Variants in BAG6 observed in about 807,000 individuals in gnomAD.
BAG6 encodes the protein large proline-rich protein BAG6.
A neutral mutation model predicts 121.0 loss-of-function variants in BAG6; 22 were observed. The observed-to-expected ratio is 0.18, with a 90% CI of 0.13 to 0.26. BAG6 has a LOEUF of 0.26. BAG6 is among the 10% of genes least tolerant of loss of function. The pLI is 1.00. For missense variants in BAG6, 1,233 were observed against 1,537.7 expected (o/e 0.80, Z 3.31); for synonymous variants, 583 against 584.6 (o/e 1.00, Z 0.04).
chr6:31,648,526 C>T (rs976838699), intron 6 of BAG6, 151 bp downstream of exon 6: 10 of 731,694 alleles, frequency 1.4e-5, no homozygotes, highest in Non-Finnish European at 2.2e-5. Flanking sequence ...CACAAAGATA[C>T]TTTTTCTGCC....
chr6:31,651,122 C>T (rs1796209102), intron 2 of BAG6, among the ~76,000 whole-genome samples: 1 of 152,250 alleles, frequency 6.6e-6, no homozygotes, highest in Non-Finnish European at 1.5e-5. Flanking sequence ...CACACAGATT[C>T]TTCCTTCCTC....
In BAG6 at chr6:31,640,686, T is replaced by G. The variant is rs150422210; in HGVS notation, c.2953A>C (p.Met985Leu). ...GCTCTTTCTGCTCCCTGAACTTCCA[T>G]TGGCTCCTCAGGAAGTGGCTGTGAA... is the stretch of plus-strand genomic sequence containing the variant. ...DPPQPLPEEP[M>L]EVQGAERASP... The change falls in exon 22 of 26, where the codon ATG becomes CTG. Residue 985 changes from methionine to leucine, a missense_variant. Physicochemically the swap from Met to Leu is conservative, Grantham distance 15 (BLOSUM62 2). Transcript: ENST00000676615. This position sits in a 1 kb window ranked among gnomAD's most constrained non-coding sequence, Gnocchi z 4.2. The G allele has an allele frequency of 6.2e-6, 10 of 1,613,038 alleles. No individual in the cohort carries two copies. Among genetic ancestry groups the G allele is most frequent in the Non-Finnish European group, 8.5e-6 (10 of 1,180,010 alleles).
intron 7 of BAG6, among the ~76,000 whole-genome samples, chr6:31,646,766 G>GTTTTTTTTTTTTTT: frequency 1.6e-5 from 1 of 60,640 alleles, no homozygotes; most frequent in Non-Finnish European, 2.9e-5. Flanking sequence ...GCTAATTTTT[G>GTTTTTTTTTTTTTT]TTTTTTTTTT....
chr6:31,640,351 G>A lies in BAG6; in HGVS notation c.3138+34C>T, dbSNP rs1258531278. On this transcript the variant is annotated intron_variant, in intron 23 of 25. Transcript: ENST00000676615. This position sits in a 1 kb window ranked among gnomAD's most constrained non-coding sequence, Gnocchi z 4.2. ...ATAGTAATGTCCTTGACTTTCAGCT[G>A]CCATGACCCACTGGATTACTTCCTG... 6.2e-7 allele frequency: 1 copy of A among 1,614,190 alleles called. No individual in the cohort carries two copies.
In BAG6 at chr6:31,646,388, G is replaced by T; in HGVS notation, c.918+6C>A. ...GGAGAAAGGGCAGGGCCATCAAAGG[G>T]CTCACATTGTTATTGTAGTCCGTGG... is the stretch of plus-strand genomic sequence containing the variant. On this transcript the variant is annotated splice_donor_region_variant and intron_variant, in intron 8 of 25. Coordinates refer to ENST00000676615, the MANE Select transcript of BAG6 (RefSeq NM_001387994.1). 6.2e-7 allele frequency: 1 copy of T among 1,612,440 alleles called. No homozygotes were observed. The highest frequency in any genetic ancestry group is 8.5e-7 in the Non-Finnish European group (1 of 1,179,710).
intron 24 of BAG6, 200 bp from the exon 25 acceptor site, chr6:31,639,846 A>C: frequency 4.2e-6 from 3 of 709,702 alleles, no homozygotes; most frequent in Non-Finnish European, 6.8e-6. Flanking sequence ...ACTAAAGTGA[A>C]TGTGCTTGAA....
In BAG6 at chr6:31,644,588, G is replaced by A. The variant is rs1786807138; in HGVS notation, c.1384C>T (p.Pro462Ser). 6.2e-7 allele frequency: 1 copy of A among 1,612,624 alleles called. No homozygotes were observed. The highest frequency in any genetic ancestry group is 1.3e-5 in the African/African-American group (1 of 74,892). ...GTGGGAGCACTCGGAACACCACCAG[G>A]CTGTGTGCCAGAATCTGGGCAGGGA... ...HMNIQDSGTQ[P>S]GGVPSAPTGP... The change falls in exon 11 of 26, where the codon CCT becomes TCT. Residue 462 changes from proline (P) to serine (S), a missense_variant. This residue lies in a region of BAG6 where 777 missense variants were observed against 861.4 expected (regional missense o/e 0.90). Coordinates refer to ENST00000676615, the MANE Select transcript of BAG6 (RefSeq NM_001387994.1). This position sits in a 1 kb window ranked among gnomAD's most constrained non-coding sequence, Gnocchi z 4.9.
rs747942520 is a variant in BAG6, at chr6:31,642,140, G to A, written c.2307C>T (p.Ile769=). 6.2e-7 allele frequency: 1 copy of A among 1,612,710 alleles called. No homozygotes were observed. Residue 769 remains isoleucine (I), a synonymous_variant, in exon 16 of 26, where the codon ATC becomes ATT. Transcript: ENST00000676615. ...GGGCCCCATCAGCTCCAGGCTCAAA[G>A]ATGTTGCTGGATCCACTGAGGCGTT... ...FIQRLSGSSN[I]FEPGADGALG...
intron 6 of BAG6, 31 bp from the exon 7 acceptor site, chr6:31,647,857 G>A (rs773455142): frequency 5.9e-6 from 9 of 1,515,322 alleles, no homozygotes; most frequent in Non-Finnish European, 7.9e-6. Context: ...GGATACCAAA[G>A]GCAGGGTAAG....
At position 31,645,394 on chromosome 6, in the gene BAG6, C is replaced by T; in HGVS notation, c.1116+13G>A. On this transcript the variant is annotated intron_variant, in intron 9 of 25. Transcript: ENST00000676615. ...CCCTCACTCTCCCTCAGGCCAGACT[C>T]CCCCTAACCCACCTGTATGGGAATG... 8 of 1,613,098 alleles carry T rather than the reference C, an allele frequency of 5.0e-6. No individual in the cohort carries two copies. Among genetic ancestry groups the T allele is most frequent in the Non-Finnish European group, 6.8e-6 (8 of 1,180,040 alleles).
At position 31,645,584 on chromosome 6, in the gene BAG6, ATCC is replaced by A; in HGVS notation, c.936_938del (p.Glu312del). On this transcript the variant is annotated inframe_deletion, in exon 9 of 26. Coordinates refer to ENST00000676615, the MANE Select transcript of BAG6 (RefSeq NM_001387994.1). ...CCCCTACCAAGTTGATCAACCGCTG[ATCC>A]TCCTCCCGGCCCTCGTGCTGCGCAC... is the stretch of plus-strand genomic sequence containing the variant. 1 of 1,613,136 alleles carries A rather than the reference ATCC, an allele frequency of 6.2e-7. No homozygotes were observed. The highest frequency in any genetic ancestry group is 8.5e-7 in the Non-Finnish European group (1 of 1,180,024).
Position 31,642,288 on chromosome 6 carries a change from C to A in BAG6, c.2159G>T (p.Gly720Val). The A allele has an allele frequency of 6.3e-7, 1 of 1,597,606 alleles. No homozygotes were observed. The stretch of plus-strand genomic sequence containing the variant: ...CGGTGACAGGCTCTCAAGACCCAGG[C>A]CTCCAGGACTCCCTGCGCCACCAGA... ...SPSGGAGSPG[G>V]LGLESLSPEF... Residue 720 changes from glycine to valine, a missense_variant, in exon 16 of 26, where the codon GGC becomes GTC. Physicochemically the swap from Gly to Val is moderately radical, Grantham distance 109 (BLOSUM62 -3). Coordinates refer to ENST00000676615, the MANE Select transcript of BAG6 (RefSeq NM_001387994.1).
At position 31,645,105 on chromosome 6, in the gene BAG6, C is replaced by G. The variant is rs1040073274; in HGVS notation, c.1210G>C (p.Ala404Pro). Residue 404 changes from alanine to proline, a missense_variant, in exon 10 of 26, where the codon GCC (alanine) becomes CCC (proline). Transcript: ENST00000676615. ...GTAGAAGACGGAGCCACGGATGAGGCCTGCCCAGGACCAGGGGGAGGTGCC... is the reference window on the plus strand; with the variant it reads ...GTAGAAGACGGAGCCACGGATGAGGGCTGCCCAGGACCAGGGGGAGGTGCC... Reference protein sequence around the residue: ...AEAPPPGPGQASSVAPSSTNV... With the variant: ...AEAPPPGPGQPSSVAPSSTNV... 1.2e-6 allele frequency: 2 copies of G among 1,613,004 alleles called. No homozygotes were observed. Among genetic ancestry groups the G allele is most frequent in the Non-Finnish European group, 1.7e-6 (2 of 1,180,004 alleles).
Position 31,652,566 on chromosome 6 carries a change from G to A in BAG6, c.-156C>T, listed in dbSNP as rs1392901782. The A allele has an allele frequency of 1.3e-5, 2 of 152,336 alleles. No homozygotes were observed. The highest frequency in any genetic ancestry group is 4.8e-5 in the African/African-American group (2 of 41,474). The allele number at this position is 152,336 out of a possible 1,614,324, so 9.4% of individuals were successfully genotyped here. ...AGCCCCAAACAGTGAGTTTCTGAGGGCGAGTCGGGCCGGGGCCGGCCTAGG... is the reference window on the plus strand; with the variant it reads ...AGCCCCAAACAGTGAGTTTCTGAGGACGAGTCGGGCCGGGGCCGGCCTAGG... On this transcript the variant is annotated 5_prime_UTR_variant, in exon 1 of 26. Coordinates refer to ENST00000676615, the MANE Select transcript of BAG6 (RefSeq NM_001387994.1).
chr6:31,640,756 A>C lies in BAG6; in HGVS notation c.2934+36T>G. ...CCTCTCAGATCTCTCCAGTTCTCTC[A>C]AGTACCCTGACCCCATCGCCCAACA... On this transcript the variant is annotated intron_variant, in intron 21 of 25. Transcript: ENST00000676615. The surrounding 1 kb of genome is among the most constrained non-coding windows in gnomAD (Gnocchi z 4.2). 1 of 1,612,818 alleles carries C rather than the reference A, an allele frequency of 6.2e-7. No homozygotes were observed. The highest frequency in any genetic ancestry group is 2.2e-5 in the East Asian group (1 of 44,864).
Position 31,641,006 on chromosome 6 carries a change from G to C in BAG6, c.2788-68C>G. ...ACCTTTAGAAATAGATTAGATCCAG[G>C]TTACAGAATGTCAGTTTAGAAAAGA... is the stretch of plus-strand genomic sequence containing the variant. On this transcript the variant is annotated intron_variant, in intron 20 of 25. Coordinates refer to ENST00000676615, the MANE Select transcript of BAG6 (RefSeq NM_001387994.1). The surrounding 1 kb of genome is among the most constrained non-coding windows in gnomAD (Gnocchi z 5.7). The C allele has an allele frequency of 7.5e-6, 12 of 1,599,644 alleles. No homozygotes were observed. Among genetic ancestry groups the C allele is most frequent in the Non-Finnish European group, 1.0e-5 (12 of 1,172,800 alleles).
At chr6:31,642,035 A>C in intron 16 of BAG6, 77 bp downstream of exon 16, 1 of 1,592,264 alleles carries the variant, frequency 6.3e-7, no homozygotes, top group Non-Finnish European at 8.6e-7. Context: ...CACCTTGGCA[A>C]CACCCCTAAA....
At position 31,642,367 on chromosome 6, in the gene BAG6, G is replaced by A. The variant is rs1344493005; in HGVS notation, c.2080C>T (p.Pro694Ser). The A allele has an allele frequency of 1.5e-5, 12 of 814,244 alleles. No homozygotes were observed. Among genetic ancestry groups the A allele is most frequent in the Non-Finnish European group, 2.2e-5 (12 of 534,268 alleles). The allele number at this position is 814,244 out of a possible 1,614,324, so 50.4% of individuals were successfully genotyped here. The stretch of plus-strand genomic sequence containing the variant: ...TGCTCTGGGGCAGGTGGTGGGGGTG[G>A]AGGAGGTGGGGGTGGTGGAGGGGCT... ...QTAPPPPPPP[P>S]PPPPAPEQQT... Residue 694 changes from proline (P) to serine (S), a missense_variant, in exon 16 of 26, where the codon CCA becomes TCA. Physicochemically the swap from Pro to Ser is moderately conservative, Grantham distance 74. Transcript: ENST00000676615.
intron 7 of BAG6, among the ~76,000 whole-genome samples, chr6:31,647,204 A>C (rs1014384319): frequency 2.6e-5 from 4 of 152,104 alleles, no homozygotes; most frequent in Non-Finnish European, 4.4e-5. Flanking sequence ...CACCCAGCCA[A>C]AGCTTCTATT....
Sources: allele counts gnomAD v4.1 joint callset (sites outside exome capture counted in the v4.1 genomes callset), GRCh38; gene constraint gnomAD v4.1.1; regional missense constraint gnomAD v4.1.1; non-coding constraint Gnocchi (gnomAD v3.1); transcripts MANE v1.5; gene names NCBI Gene and HGNC (gene_info 2026-07-23, HGNC 2026-07-21).